Variants in CACNA2D3 observed in about 807,000 individuals in gnomAD.
CACNA2D3 encodes voltage-dependent calcium channel subunit alpha-2/delta-3.
Under a neutral mutation model 160.6 loss-of-function variants are expected in CACNA2D3, and 60 were observed. The ratio of observed to expected loss-of-function variants is 0.37; its 90% confidence interval spans 0.30 to 0.46. CACNA2D3 has a LOEUF of 0.46. CACNA2D3 is among the 20% of genes least tolerant of loss of function. The pLI is 1.00. For missense variants in CACNA2D3, 1,205 were observed against 1,365.0 expected (o/e 0.88, Z 1.85); for synonymous variants, 558 against 492.9 (o/e 1.13, Z -1.75).
rs573070211 is a variant in CACNA2D3, at chr3:54,441,079, T to A, written c.381+54305T>A. On this transcript the variant is annotated intron_variant, in intron 4 of 37. Transcript: ENST00000474759. ...ATCGCCACACTGACTTCCACAATGG[T>A]TGAACTAGTTTACAGTCCCACCAAC... 2.0e-5 allele frequency among the ~76,000 whole-genome samples: 3 copies of A among 152,266 alleles called. No individual in the cohort carries two copies. In the South Asian group the frequency reaches 6.2e-4, roughly 32 times the overall value.
intron 35 of CACNA2D3, among the ~76,000 whole-genome samples, chr3:55,031,155 G>A (rs1014730815): frequency 2.0e-5 from 3 of 152,150 alleles, no homozygotes; most frequent in African/African-American, 4.8e-5. Context: ...GCAGAGCTGT[G>A]TCCACACTAT....
chr3:54,324,242 A>T (rs1704073612), intron 3 of CACNA2D3, among the ~76,000 whole-genome samples: 1 of 152,064 alleles, frequency 6.6e-6, no homozygotes, highest in Non-Finnish European at 1.5e-5. Context: ...CACTTTTCCC[A>T]GTGATTAGTT....
At chr3:55,068,818 G>A (rs994192616) in intron 35 of CACNA2D3, among the ~76,000 whole-genome samples, 3 of 152,208 alleles carry the variant, frequency 2.0e-5, no homozygotes, top group Non-Finnish European at 4.4e-5. Context: ...GCTACCAAGA[G>A]CATCTTTGTA....
At chr3:54,745,567 T>A (rs1043202152) in intron 11 of CACNA2D3, among the ~76,000 whole-genome samples, 10 of 152,228 alleles carry the variant, frequency 6.6e-5, no homozygotes, top group African/African-American at 2.4e-4. Context: ...GTCCTCTGAA[T>A]GAATTCAGTG....
intron 9 of CACNA2D3, among the ~76,000 whole-genome samples, chr3:54,605,210 C>A (rs1000619081): frequency 6.6e-6 from 1 of 152,192 alleles, no homozygotes; most frequent in African/African-American, 2.4e-5. Flanking sequence ...TCCAGTGTGA[C>A]TTCATCTTAA....
chr3:54,549,270 C>A (rs561102102), intron 5 of CACNA2D3, among the ~76,000 whole-genome samples: 1 of 152,264 alleles, frequency 6.6e-6, no homozygotes, highest in East Asian at 1.9e-4. Context: ...CACGGTGAAA[C>A]CCCGTCTCTA....
intron 12 of CACNA2D3, among the ~76,000 whole-genome samples, chr3:54,759,394 T>C (rs1040655130): frequency 1.3e-5 from 2 of 151,920 alleles, no homozygotes; most frequent in African/African-American, 4.8e-5. Context: ...GGGAAGTGTC[T>C]ATGGTTACAG....
At chr3:54,655,228 G>T (rs770684336) in intron 11 of CACNA2D3, among the ~76,000 whole-genome samples, 1 of 152,122 alleles carries the variant, frequency 6.6e-6, no homozygotes, top group South Asian at 2.1e-4. Context: ...GGGTGGGAGC[G>T]CAGTGCTGCC....
chr3:54,727,522 A>G (rs1404784000), intron 11 of CACNA2D3, among the ~76,000 whole-genome samples: 2 of 152,186 alleles, frequency 1.3e-5, no homozygotes, highest in East Asian at 3.9e-4. Flanking sequence ...GTCTATCAAT[A>G]ATAGACTGGA....
chr3:55,069,468 T>C (rs941370860), intron 35 of CACNA2D3, among the ~76,000 whole-genome samples: 4 of 152,206 alleles, frequency 2.6e-5, no homozygotes, highest in African/African-American at 9.7e-5. Flanking sequence ...TTTACTAGAT[T>C]TATTCTTGGG....
chr3:54,796,616 T>A (rs2106660336), intron 13 of CACNA2D3, among the ~76,000 whole-genome samples: 1 of 152,306 alleles, frequency 6.6e-6, no homozygotes, highest in East Asian at 1.9e-4. Flanking sequence ...ATCACAGCAT[T>A]CTTCACAGAC....
chr3:54,372,045 A>G lies in CACNA2D3; in HGVS notation c.322-14670A>G, dbSNP rs576367749. On this transcript the variant is annotated intron_variant, in intron 3 of 37. Coordinates refer to ENST00000474759, the MANE Select transcript of CACNA2D3 (RefSeq NM_018398.3). The stretch of plus-strand genomic sequence containing the variant: ...ATTTTACCTTTCTAAAATCCAAATA[A>G]TCCTGACCTAGGGTAGCATGCCTGG... Among the ~76,000 whole-genome samples, 4 of 152,314 alleles carry G rather than the reference A, an allele frequency of 2.6e-5. No individual in the cohort carries two copies. In the South Asian group the frequency reaches 8.3e-4, roughly 32 times the overall value.
At chr3:54,455,221 T>C (rs1199433610) in intron 4 of CACNA2D3, among the ~76,000 whole-genome samples, 1 of 152,156 alleles carries the variant, frequency 6.6e-6, no homozygotes, top group African/African-American at 2.4e-5. Context: ...CAACACTGTA[T>C]AAGAATTCCC....
At chr3:54,837,425 TGGCA>T (rs1459402616) in intron 15 of CACNA2D3, among the ~76,000 whole-genome samples, 195 bp downstream of exon 15, 2 of 152,144 alleles carry the variant, frequency 1.3e-5, no homozygotes, top group Non-Finnish European at 2.9e-5. Flanking sequence ...ATTTTAGAGT[TGGCA>T]ACACCTTTCC....
intron 27 of CACNA2D3, among the ~76,000 whole-genome samples, chr3:54,903,656 T>C (rs1700389932): frequency 6.6e-6 from 1 of 152,234 alleles, no homozygotes; most frequent in Non-Finnish European, 1.5e-5. Context: ...ATGGCTGAAC[T>C]AATTTACACT....
chr3:54,237,725 A>G (rs1298389673), intron 2 of CACNA2D3, among the ~76,000 whole-genome samples: 5 of 152,140 alleles, frequency 3.3e-5, no homozygotes, highest in Non-Finnish European at 7.3e-5. Context: ...TGTTGTCAGC[A>G]TGGGCTGCAC....
chr3:54,409,981 G>A (rs1559473859), intron 4 of CACNA2D3, among the ~76,000 whole-genome samples: 1 of 152,204 alleles, frequency 6.6e-6, no homozygotes, highest in Non-Finnish European at 1.5e-5. Flanking sequence ...TGATGAAGGT[G>A]GCTATAGAAA....
At chr3:54,758,386 A>G (rs1702014892) in intron 12 of CACNA2D3, among the ~76,000 whole-genome samples, 1 of 152,028 alleles carries the variant, frequency 6.6e-6, no homozygotes, top group South Asian at 2.1e-4. Flanking sequence ...TCTGCTCAGG[A>G]GTGCGGTTCT....
At chr3:55,031,035 G>A (rs1292152276) in intron 35 of CACNA2D3, among the ~76,000 whole-genome samples, 3 of 152,194 alleles carry the variant, frequency 2.0e-5, no homozygotes, top group African/African-American at 7.2e-5. Flanking sequence ...ATGGAAGTTT[G>A]TCTGGGCTCA....
Sources: gnomAD v4.1 joint callset for allele counts (sites outside exome capture counted in the v4.1 genomes callset) on GRCh38, gnomAD v4.1.1 for gene constraint, MANE v1.5 for transcripts, NCBI Gene and HGNC (gene_info 2026-07-23, HGNC 2026-07-21) for gene names.